Variants in BRINP3 observed in about 807,000 individuals in gnomAD.
BRINP3 encodes BMP/retinoic acid-inducible neural-specific protein 3.
In BRINP3, 19 loss-of-function variants were observed where a neutral mutation model predicts 71.0. The observed-to-expected ratio is 0.27, with a 90% CI of 0.19 to 0.39. The LOEUF (loss-of-function observed/expected upper bound fraction) is 0.39. BRINP3 is among the 10% of genes least tolerant of loss of function. The pLI is 1.00. For synonymous variants in BRINP3, 380 were observed against 337.7 expected, an observed-to-expected ratio of 1.13 and a Z score of -1.37; for missense variants, 959 against 940.8, an observed-to-expected ratio of 1.02 and a Z score of -0.25.
intron 2 of BRINP3, among the ~76,000 whole-genome samples, chr1:190,318,425 A>G (rs555017341): frequency 6.6e-6 from 1 of 152,262 alleles, no homozygotes; most frequent in East Asian, 1.9e-4. Context: ...GGAAAGCAAT[A>G]TATCTCAAGT....
chr1:190,203,777 ATATATATATATATATATATATATAT>A (rs1163318047), intron 6 of BRINP3, among the ~76,000 whole-genome samples: 2 of 84,824 alleles, frequency 2.4e-5, no homozygotes, highest in Non-Finnish European at 4.6e-5. Flanking sequence ...ATATATATAT[ATATATATATATATATATATATATAT>A]ATATATATAT....
intron 2 of BRINP3, among the ~76,000 whole-genome samples, chr1:190,450,250 TC>T (rs1312416501): frequency 6.6e-6 from 1 of 152,176 alleles, no homozygotes; most frequent in East Asian, 1.9e-4. Context: ...ATGACACAGC[TC>T]CCTTCTGTAT....
At chr1:190,147,716 C>T (rs1447436952) in intron 7 of BRINP3, among the ~76,000 whole-genome samples, 2 of 152,210 alleles carry the variant, frequency 1.3e-5, no homozygotes, top group East Asian at 1.9e-4. Context: ...CAGTTTCCCT[C>T]TCATGGTTAG....
At chr1:190,419,690 TACACACAC>T (rs5779528) in intron 2 of BRINP3, among the ~76,000 whole-genome samples, 2 of 148,460 alleles carry the variant, frequency 1.3e-5, no homozygotes, top group Admixed American at 6.8e-5. Flanking sequence ...TATACATTTA[TACACACAC>T]ACACACACAC....
intron 7 of BRINP3, among the ~76,000 whole-genome samples, chr1:190,159,927 G>C (rs1035041795): frequency 6.6e-6 from 1 of 151,842 alleles, no homozygotes; most frequent in African/African-American, 2.4e-5. Flanking sequence ...TAATCACAGA[G>C]TTCTCATCTT....
intron 7 of BRINP3, among the ~76,000 whole-genome samples, chr1:190,133,088 C>T (rs558842163): frequency 1.3e-5 from 2 of 152,160 alleles, no homozygotes; most frequent in East Asian, 1.9e-4. Context: ...AGTGAGAATA[C>T]TTAACTAAGC....
chr1:190,130,680 G>A (rs2211430), intron 7 of BRINP3, among the ~76,000 whole-genome samples: 21,619 of 152,024 alleles, frequency 0.14, 2,622 homozygotes, highest in African/African-American at 0.29. Flanking sequence ...AGAAGTGACT[G>A]TACAGCCAGG....
intron 2 of BRINP3, among the ~76,000 whole-genome samples, chr1:190,348,085 A>G (rs774212960): frequency 6.6e-6 from 1 of 152,172 alleles, no homozygotes; most frequent in Non-Finnish European, 1.5e-5. Context: ...TTTCCTTTAT[A>G]GAGCCTTTGA....
chr1:190,215,750 G>A (rs899088181), intron 6 of BRINP3, among the ~76,000 whole-genome samples: 7 of 151,792 alleles, frequency 4.6e-5, no homozygotes, highest in African/African-American at 1.4e-4. Flanking sequence ...GCCGCCAACT[G>A]TCATTCTTAG....
intron 2 of BRINP3, among the ~76,000 whole-genome samples, chr1:190,346,802 T>A (rs1286458696): frequency 5.9e-5 from 9 of 152,134 alleles, no homozygotes; most frequent in Admixed American, 5.9e-4. Flanking sequence ...AACCAAAATA[T>A]TTTGCATATT....
intron 1 of BRINP3, among the ~76,000 whole-genome samples, chr1:190,455,208 T>C (rs766362572): frequency 4.6e-5 from 7 of 152,138 alleles, no homozygotes; most frequent in Non-Finnish European, 7.4e-5. Context: ...TTAAAGCCTA[T>C]TGAGCAAAAA....
intron 3 of BRINP3, among the ~76,000 whole-genome samples, chr1:190,280,121 C>T (rs1232034257): frequency 6.6e-6 from 1 of 151,722 alleles, no homozygotes; most frequent in African/African-American, 2.4e-5. Flanking sequence ...GTGATAAATG[C>T]AAATGTGATC....
At chr1:190,397,117 T>A (rs554391280) in intron 2 of BRINP3, among the ~76,000 whole-genome samples, 1 of 152,016 alleles carries the variant, frequency 6.6e-6, no homozygotes, top group East Asian at 1.9e-4. Context: ...TTTAGATAGA[T>A]TTTGGTTTCT....
chr1:190,249,047 A>T (rs1659876152), intron 4 of BRINP3, among the ~76,000 whole-genome samples: 1 of 150,536 alleles, frequency 6.6e-6, no homozygotes, highest in African/African-American at 2.4e-5. Flanking sequence ...ATGTGTTGCT[A>T]TTTTTTTTTC....
intron 6 of BRINP3, among the ~76,000 whole-genome samples, chr1:190,178,215 T>C (rs953062771): frequency 6.6e-6 from 1 of 152,180 alleles, no homozygotes; most frequent in South Asian, 2.1e-4. Context: ...CGTAGTACTA[T>C]GGACCTATAA....
chr1:190,112,545 C>T (rs1249682987), intron 7 of BRINP3, among the ~76,000 whole-genome samples: 2 of 152,104 alleles, frequency 1.3e-5, no homozygotes, highest in East Asian at 1.9e-4. Flanking sequence ...TAGAAAAATA[C>T]ATTTACAGTC....
intron 7 of BRINP3, among the ~76,000 whole-genome samples, chr1:190,156,494 C>A (rs768383185): frequency 1.3e-5 from 2 of 149,392 alleles, no homozygotes; most frequent in Non-Finnish European, 3.0e-5. Flanking sequence ...CATATTCTAC[C>A]CTCCTAGAAT....
At chr1:190,274,662 C>G (rs568709857) in intron 3 of BRINP3, among the ~76,000 whole-genome samples, 1 of 151,520 alleles carries the variant, frequency 6.6e-6, no homozygotes, top group Admixed American at 6.6e-5. Flanking sequence ...TTTGTTATTG[C>G]TGCCCTTTTG....
rs1222129309 is a variant in BRINP3 at position 190,277,087 on chromosome 1, TTATATATATA to T, written c.427+4463_427+4472del. ...TTTGATCCTGAAATAAATTTTGGTTTTATATATATATATATATATATATATATATATTTAT... is the reference window on the plus strand; with the variant it reads ...TTTGATCCTGAAATAAATTTTGGTTTTATATATATATATATATATATTTAT... On this transcript the variant is annotated intron_variant, in intron 3 of 7. Transcript: ENST00000367462. Among the ~76,000 whole-genome samples, 247 of 36,034 alleles carry T rather than the reference TTATATATATA, an allele frequency of 6.9e-3. 8 individuals are homozygous for T. Among genetic ancestry groups the T allele is most frequent in the African/African-American group, 0.012 (190 of 15,818 alleles). 23.6% of individuals were successfully genotyped at this position (36,034 alleles called of 152,430 possible).
Sources: allele counts gnomAD v4.1 joint callset (sites outside exome capture counted in the v4.1 genomes callset), GRCh38; gene constraint gnomAD v4.1.1; transcripts MANE v1.5; gene names NCBI Gene and HGNC (gene_info 2026-07-23, HGNC 2026-07-21).